TARBP1: variants seen among roughly 807,000 people sequenced by gnomAD.
The protein encoded by TARBP1 is tRNA guanosine 2 -O-methyltransferase TARBP1, also known as tRNA (guanosine(18)-2'-O)-methyltransferase TARBP1.
A neutral mutation model predicts 178.6 loss-of-function variants in TARBP1; 144 were observed. The observed-to-expected ratio is 0.81, with a 90% CI of 0.70 to 0.93. The LOEUF (loss-of-function observed/expected upper bound fraction) is 0.93, where lower values mean the gene tolerates loss of function less well. Among genes scored for constraint, TARBP1 ranks in the 40% least tolerant of loss-of-function variants. TARBP1 has a pLI of 0.00. For synonymous variants in TARBP1, 787 were observed against 781.0 expected (o/e 1.01, Z -0.13); for missense variants, 2,067 against 2,011.7 (o/e 1.03, Z -0.53).
rs1668163469 is a variant in TARBP1 at position 234,463,883 on chromosome 1, C to G, written c.1353G>C (p.Gln451His). 2 of 1,599,256 alleles carry G rather than the reference C, an allele frequency of 1.3e-6. No individual in the cohort carries two copies. Among genetic ancestry groups the G allele is most frequent in the Non-Finnish European group, 1.7e-6 (2 of 1,172,666 alleles). The change falls in exon 6 of 30, where the codon CAG becomes CAC. Residue 451 changes from glutamine (Q) to histidine (H), a missense_variant. Physicochemically the swap from Gln to His is conservative, Grantham distance 24. Coordinates refer to ENST00000040877, the MANE Select transcript of TARBP1 (RefSeq NM_005646.4). ...GAGAAATATAAGTGACTAAAAACTT[C>G]TGTAATTTCAGTCCCAATGGAGAAC... ...GSCSPLGLKL[Q>H]KFLVTYISLL...
rs186251549 is a variant in TARBP1, at chr1:234,462,325, C to T, written c.1399+1512G>A. On this transcript the variant is annotated intron_variant, in intron 6 of 29. Coordinates refer to ENST00000040877, the MANE Select transcript of TARBP1 (RefSeq NM_005646.4). ...GCTACTGACATGTAAGGCAGCAATG[C>T]GGCTGACAAATTCATCCCCATATGG... Among the ~76,000 whole-genome samples, 44 of 152,290 alleles carry T rather than the reference C, an allele frequency of 2.9e-4. No individual in the cohort carries two copies. The East Asian group carries it at 3.3e-3, about 11-fold the overall frequency.
rs563514179 is a variant in TARBP1, at chr1:234,467,910, G to A, written c.1100-260C>T. ...CCTCAGCTTCCTGAGTAGTTTCCTA[G>A]CAGGACTACAGGTATGCAAACCACG... is the stretch of plus-strand genomic sequence containing the variant. On this transcript the variant is annotated intron_variant, in intron 3 of 29. Transcript: ENST00000040877. Among the ~76,000 whole-genome samples the A allele has an allele frequency of 6.6e-5, 10 of 152,154 alleles. 1 individual carries two copies. In the South Asian group the frequency reaches 2.1e-3, roughly 32 times the overall value.
intron 1 of TARBP1, among the ~76,000 whole-genome samples, chr1:234,476,079 T>TA (rs1166860471): frequency 2.0e-5 from 3 of 152,162 alleles, no homozygotes; most frequent in African/African-American, 7.2e-5. Context: ...AAGCCAAACT[T>TA]AGATGGTCCA....
intron 3 of TARBP1, among the ~76,000 whole-genome samples, chr1:234,469,027 C>T (rs1157052884): frequency 7.5e-6 from 1 of 133,262 alleles, no homozygotes; most frequent in East Asian, 2.4e-4. Flanking sequence ...CCAATAATTA[C>T]TAGGTTGGTG....
At chr1:234,421,355 C>CTA (rs1663070250) in intron 20 of TARBP1, among the ~76,000 whole-genome samples, 1 of 152,176 alleles carries the variant, frequency 6.6e-6, no homozygotes, top group Admixed American at 6.5e-5. Flanking sequence ...TCCCAAAGTG[C>CTA]TAGGATTACA....
intron 12 of TARBP1, among the ~76,000 whole-genome samples, chr1:234,442,342 G>A (rs1320293172): frequency 1.3e-5 from 2 of 152,186 alleles, no homozygotes; most frequent in Non-Finnish European, 2.9e-5. Context: ...CCACATATCT[G>A]ACAAAGGACT....
intron 6 of TARBP1, among the ~76,000 whole-genome samples, chr1:234,461,390 C>T (rs1211164583): frequency 2.6e-5 from 4 of 152,152 alleles, no homozygotes; most frequent in Non-Finnish European, 4.4e-5. Flanking sequence ...CTACTACAAC[C>T]TCCACCTCCT....
rs771876079 is a variant in TARBP1, at chr1:234,465,107, A to ATGG, written c.1301+548_1301+549insCCA. On this transcript the variant is annotated intron_variant, in intron 5 of 29. Transcript: ENST00000040877. ...GGATGGATGGATGGATGGATGGCGG[A>ATGG]CAGACAGGCACTCAAACAGATATAA... Among the ~76,000 whole-genome samples, 149 of 142,028 alleles carry ATGG rather than the reference A, an allele frequency of 1.0e-3. No homozygotes were observed. In the Middle Eastern group the frequency reaches 0.021, roughly 20 times the overall value. 93.2% of individuals were successfully genotyped at this position (142,028 alleles called of 152,430 possible).
chr1:234,452,290 C>A (rs535661013), intron 9 of TARBP1, among the ~76,000 whole-genome samples: 7 of 152,156 alleles, frequency 4.6e-5, no homozygotes, highest in Middle Eastern at 3.4e-3. Flanking sequence ...AGAGGACAAG[C>A]CACAGACTGG....
chr1:234,433,612 C>T (rs762553366), intron 13 of TARBP1, 41 bp from the exon 14 acceptor site: 1 of 1,557,942 alleles, frequency 6.4e-7, no homozygotes, highest in Non-Finnish European at 8.6e-7. Flanking sequence ...CAAGCAAGGT[C>T]CATGATTTTC....
In TARBP1 at chr1:234,392,474, CAG is replaced by C; in HGVS notation, c.4637_4638del (p.Thr1546SerfsTer13). The C allele has an allele frequency of 2.5e-6, 4 of 1,614,162 alleles. No homozygotes were observed. The highest frequency in any genetic ancestry group is 3.4e-6 in the Non-Finnish European group (4 of 1,180,018). Reference sequence around the variant, plus strand: ...TATTGGGTTAGGTCTAAACTTTTGGCAGTTTGTTCCACTCCAATGATGGTATA... The same window carrying C: ...TATTGGGTTAGGTCTAAACTTTTGGCTTTGTTCCACTCCAATGATGGTATA... ...EGYTIIGVEQ[T>X]AKSLDLTQYC... On this transcript the variant is annotated frameshift_variant, in exon 29 of 30. Coordinates refer to ENST00000040877, the MANE Select transcript of TARBP1 (RefSeq NM_005646.4). LOFTEE classifies it high-confidence loss of function.
intron 20 of TARBP1, among the ~76,000 whole-genome samples, chr1:234,425,387 T>C (rs901862206): frequency 6.6e-6 from 1 of 152,178 alleles, no homozygotes; most frequent in Non-Finnish European, 1.5e-5. Flanking sequence ...ATTTTTTTTC[T>C]TTTTTTTCTT....
At position 234,391,598 on chromosome 1, in the gene TARBP1, C is replaced by G; in HGVS notation, c.4845G>C (p.Ser1615=). 6.2e-7 allele frequency: 1 copy of G among 1,612,446 alleles called. No homozygotes were observed. Among genetic ancestry groups the G allele is most frequent in the Non-Finnish European group, 8.5e-7 (1 of 1,179,378 alleles). The change falls in exon 30 of 30, where the codon TCG becomes TCC. Residue 1615 remains serine (S), a synonymous_variant. Coordinates refer to ENST00000040877, the MANE Select transcript of TARBP1 (RefSeq NM_005646.4). ...CACATCATGGCTTGGTATCTCCGTGCGAGAGCAGCTGCTGCCTGGTGTACT... is the reference window on the plus strand; with the variant it reads ...CACATCATGGCTTGGTATCTCCGTGGGAGAGCAGCTGCTGCCTGGTGTACT... The part of the protein sequence containing the change: ...IWEYTRQQLL[S]HGDTKP
intron 20 of TARBP1, among the ~76,000 whole-genome samples, chr1:234,425,180 C>T (rs903968007): frequency 3.3e-5 from 5 of 151,934 alleles, no homozygotes; most frequent in African/African-American, 1.2e-4. Flanking sequence ...AGCCGAGATC[C>T]CAGATCATGC....
chr1:234,466,336 A>C (rs1668430130), intron 4 of TARBP1, among the ~76,000 whole-genome samples: 1 of 151,834 alleles, frequency 6.6e-6, no homozygotes, highest in African/African-American at 2.4e-5. Flanking sequence ...ACATGGCAAA[A>C]CCCTGTCTCT....
intron 26 of TARBP1, among the ~76,000 whole-genome samples, chr1:234,394,977 A>C (rs1659774706): frequency 6.6e-6 from 1 of 151,668 alleles, no homozygotes; most frequent in African/African-American, 2.4e-5. Flanking sequence ...TAATCCCAGC[A>C]CTTTAGGAGG....
chr1:234,478,429 G>A lies in TARBP1; in HGVS notation c.675C>T (p.Arg225=). The change falls in exon 1 of 30, where the codon CGC becomes CGT. Residue 225 remains arginine, a synonymous_variant. Coordinates refer to ENST00000040877, the MANE Select transcript of TARBP1 (RefSeq NM_005646.4). ...AAPGASLGSG[R]VEEKLLVLSA... ...TCAGGACCAGCAGCTTCTCCTCTAC[G>A]CGGCCGGACCCCAGGGACGCCCCAG... 7.2e-7 allele frequency: 1 copy of A among 1,386,830 alleles called. No individual in the cohort carries two copies. The highest frequency in any genetic ancestry group is 9.4e-7 in the Non-Finnish European group (1 of 1,066,414). The allele number at this position is 1,386,830 out of a possible 1,614,324, so 85.9% of individuals were successfully genotyped here.
At chr1:234,440,551 C>T (rs1293845059) in intron 12 of TARBP1, among the ~76,000 whole-genome samples, 2 of 151,910 alleles carry the variant, frequency 1.3e-5, no homozygotes, top group Non-Finnish European at 2.9e-5. Flanking sequence ...CACTACAGAC[C>T]CGACAGGCAT....
At chr1:234,455,802 G>A (rs914469437) in intron 9 of TARBP1, among the ~76,000 whole-genome samples, 9 of 151,646 alleles carry the variant, frequency 5.9e-5, no homozygotes, top group African/African-American at 2.2e-4. Flanking sequence ...ATAACAACTT[G>A]TCAATACCCT....
Sources: gnomAD v4.1 joint callset for allele counts (sites outside exome capture counted in the v4.1 genomes callset) on GRCh38, gnomAD v4.1.1 for gene constraint, MANE v1.5 for transcripts, NCBI Gene and HGNC (gene_info 2026-07-23, HGNC 2026-07-21) for gene names.